The following TENM3 variants were observed in gnomAD, a reference collection of about 807,000 sequenced individuals.
TENM3 encodes teneurin-3.
In TENM3, 63 loss-of-function variants were observed where a neutral mutation model predicts 255.1. The observed-to-expected ratio is 0.25, with a 90% CI of 0.20 to 0.30. The LOEUF is 0.30. TENM3 is among the 10% of genes least tolerant of loss of function. TENM3 has a pLI of 1.00. For synonymous variants in TENM3, 1,306 were observed against 1,322.3 expected (o/e 0.99, Z 0.27); for missense variants, 2,929 against 3,461.1 (o/e 0.85, Z 3.86).
At chr4:181,711,153 C>T in the TENM3 span, among the ~76,000 whole-genome samples, 1 of 152,074 alleles carries the variant, frequency 6.6e-6, no homozygotes, top group African/African-American at 2.4e-5. Context: ...TCTAGCTGAT[C>T]AAAGCAATTA....
At chr4:181,588,304 C>T in the TENM3 span, among the ~76,000 whole-genome samples, 1 of 152,208 alleles carries the variant, frequency 6.6e-6, no homozygotes, top group African/African-American at 2.4e-5. Flanking sequence ...TATTTCCTAA[C>T]ATTTAATTAT....
chr4:181,760,586 C>A, the TENM3 span, among the ~76,000 whole-genome samples: 1 of 152,134 alleles, frequency 6.6e-6, no homozygotes, highest in Non-Finnish European at 1.5e-5. Flanking sequence ...CTAAAAACTT[C>A]AATCAGTCCC....
chr4:182,042,992 C>CT, the TENM3 span, among the ~76,000 whole-genome samples: 129 of 149,388 alleles, frequency 8.6e-4, no homozygotes, highest in East Asian at 5.9e-3. Context: ...AGAAGGTCGT[C>CT]TTTTTTTTTT....
At chr4:182,769,723 G>A (rs1337153967) in intron 22 of TENM3, among the ~76,000 whole-genome samples, 1 of 152,004 alleles carries the variant, frequency 6.6e-6, no homozygotes, top group Non-Finnish European at 1.5e-5. Flanking sequence ...GGCGGAGGTT[G>A]CAGTGAGCCA....
the TENM3 span, among the ~76,000 whole-genome samples, chr4:181,504,522 C>T: frequency 6.6e-6 from 1 of 152,160 alleles, no homozygotes; most frequent in East Asian, 1.9e-4. Context: ...ATTGTCTCCT[C>T]TACTTCTTCC....
the TENM3 span, among the ~76,000 whole-genome samples, chr4:181,559,163 G>A: frequency 2.6e-5 from 4 of 152,014 alleles, no homozygotes; most frequent in Non-Finnish European, 4.4e-5. Context: ...AGGGTAATTG[G>A]AATAATTATC....
the TENM3 span, among the ~76,000 whole-genome samples, chr4:181,856,337 C>G: frequency 6.6e-6 from 1 of 152,136 alleles, no homozygotes; most frequent in Non-Finnish European, 1.5e-5. Context: ...AAATCTAAAG[C>G]AGTCCTCGGT....
chr4:182,705,930 A>G (rs1384174973), intron 12 of TENM3, among the ~76,000 whole-genome samples: 2 of 152,196 alleles, frequency 1.3e-5, no homozygotes, highest in Non-Finnish European at 2.9e-5. Flanking sequence ...TTTAGAACAG[A>G]TGACAGCATT....
chr4:182,309,320 A>G (rs950773314), intron 1 of TENM3, among the ~76,000 whole-genome samples: 1 of 152,108 alleles, frequency 6.6e-6, no homozygotes, highest in Non-Finnish European at 1.5e-5. Context: ...CTAAGATGAG[A>G]GCTGTCTGGT....
At chr4:182,715,642 G>A (rs1288586013) in intron 13 of TENM3, among the ~76,000 whole-genome samples, 1 of 152,110 alleles carries the variant, frequency 6.6e-6, no homozygotes, top group African/African-American at 2.4e-5. Flanking sequence ...TGTCAGAGAA[G>A]ATTGAATAGC....
the TENM3 span, among the ~76,000 whole-genome samples, chr4:182,016,253 C>A: frequency 6.6e-6 from 1 of 152,154 alleles, no homozygotes; most frequent in Non-Finnish European, 1.5e-5. Context: ...GTTGGTGCTA[C>A]CGTTGAGGTA....
chr4:182,659,731 C>T (rs1264229940), intron 6 of TENM3, among the ~76,000 whole-genome samples: 4 of 152,194 alleles, frequency 2.6e-5, no homozygotes, highest in Non-Finnish European at 4.4e-5. Context: ...CAGTCTTGCT[C>T]ATCCACTCTT....
At chr4:181,748,277 G>C in the TENM3 span, among the ~76,000 whole-genome samples, 1 of 151,952 alleles carries the variant, frequency 6.6e-6, no homozygotes, top group Non-Finnish European at 1.5e-5. Context: ...GTGCATGGTA[G>C]GTTTGATCAT....
chr4:181,869,546 C>T, the TENM3 span, among the ~76,000 whole-genome samples: 1 of 151,986 alleles, frequency 6.6e-6, no homozygotes, highest in African/African-American at 2.4e-5. Context: ...TGGATACACC[C>T]TTCTCCATGA....
At chr4:181,806,352 C>CTG in the TENM3 span, among the ~76,000 whole-genome samples, 8 of 152,198 alleles carry the variant, frequency 5.3e-5, no homozygotes, top group African/African-American at 1.9e-4. Context: ...CTCGACTGTG[C>CTG]TACCTGTCTC....
the TENM3 span, among the ~76,000 whole-genome samples, chr4:181,487,317 G>C: frequency 6.6e-6 from 1 of 152,106 alleles, no homozygotes; most frequent in Non-Finnish European, 1.5e-5. Flanking sequence ...GAGTAAATCT[G>C]ACAACCCCAC....
intron 4 of TENM3, among the ~76,000 whole-genome samples, chr4:182,608,697 G>A (rs1748671584): frequency 6.6e-6 from 1 of 152,146 alleles, no homozygotes; most frequent in Non-Finnish European, 1.5e-5. Flanking sequence ...GTTTGGGGGT[G>A]GCCGCTCAGG....
At chr4:181,621,135 T>C in the TENM3 span, among the ~76,000 whole-genome samples, 8 of 152,214 alleles carry the variant, frequency 5.3e-5, no homozygotes, top group African/African-American at 1.7e-4. Flanking sequence ...ATTGCTGATA[T>C]AGTTAAGAAA....
At chr4:181,665,634 CAT>C in the TENM3 span, among the ~76,000 whole-genome samples, 387 of 145,808 alleles carry the variant, frequency 2.7e-3, 2 homozygotes, top group Middle Eastern at 7.0e-3. Context: ...TATACACACA[CAT>C]ACACACACAT....
Sources: allele counts gnomAD v4.1 joint callset (sites outside exome capture counted in the v4.1 genomes callset), GRCh38; gene constraint gnomAD v4.1.1; transcripts MANE v1.5; gene names NCBI Gene and HGNC (gene_info 2026-07-23, HGNC 2026-07-21).